CHST8: variants seen among roughly 807,000 people sequenced by gnomAD.
CHST8 encodes GALNAC-4-ST1.
A neutral mutation model predicts 15.0 loss-of-function variants in CHST8; 10 were observed. The ratio of observed to expected loss-of-function variants is 0.67; its 90% CI spans 0.41 to 1.13. The LOEUF (loss-of-function observed/expected upper bound fraction) is 1.13. CHST8 is among the 50% of genes most tolerant of loss of function. The pLI is 0.00. For missense variants in CHST8, 634 were observed against 608.2 expected (o/e 1.04, Z -0.45); for synonymous variants, 259 against 256.6 (o/e 1.01, Z -0.09).
chr19:33,663,589 G>A (rs1329880783), intron 1 of CHST8, among the ~76,000 whole-genome samples: 1 of 152,078 alleles, frequency 6.6e-6, no homozygotes, highest in Non-Finnish European at 1.5e-5. Context: ...AAGCAGGAGG[G>A]GCCAGGTGCA....
intron 3 of CHST8, among the ~76,000 whole-genome samples, chr19:33,727,388 G>A (rs1217881322): frequency 1.3e-5 from 2 of 152,126 alleles, no homozygotes; most frequent in Non-Finnish European, 2.9e-5. Flanking sequence ...CCGTGTCTGT[G>A]TGTGTAGAGT....
rs1034303068 is a variant in CHST8 at position 33,771,898 on chromosome 19, T to C, written c.169-59T>C. On this transcript the variant is annotated intron_variant, in intron 4 of 4. Transcript: ENST00000650847. Reference sequence around the variant, plus strand: ...AGCCGTGGTGAGAGCCTGACCTGTGTGGCCCTCAGTGCCCAGCTGTCCTTT... The same window carrying C: ...AGCCGTGGTGAGAGCCTGACCTGTGCGGCCCTCAGTGCCCAGCTGTCCTTT... The C allele has an allele frequency of 1.4e-5, 21 of 1,510,308 alleles. No individual in the cohort carries two copies. The African/African-American group carries it at 2.9e-4, about 21-fold the overall frequency. 93.6% of individuals were successfully genotyped at this position (1,510,308 alleles called of 1,614,324 possible).
chr19:33,715,543 T>C (rs1465660221), intron 3 of CHST8, among the ~76,000 whole-genome samples: 1 of 152,238 alleles, frequency 6.6e-6, no homozygotes. Context: ...CTGGTTGCCT[T>C]GACAACTCAA....
At chr19:33,635,065 C>T (rs1972175374) in intron 1 of CHST8, among the ~76,000 whole-genome samples, 1 of 152,128 alleles carries the variant, frequency 6.6e-6, no homozygotes, top group Non-Finnish European at 1.5e-5. Flanking sequence ...GTTATTGGGT[C>T]CCTCTGGAGA....
At chr19:33,632,379 T>C (rs1441943243) in intron 1 of CHST8, among the ~76,000 whole-genome samples, 3 of 152,126 alleles carry the variant, frequency 2.0e-5, no homozygotes, top group African/African-American at 7.2e-5. Context: ...AGTCTTGAAC[T>C]CCTGAGCTCA....
chr19:33,640,433 C>T (rs1262110595), intron 1 of CHST8, among the ~76,000 whole-genome samples: 6 of 152,234 alleles, frequency 3.9e-5, no homozygotes, highest in African/African-American at 1.4e-4. Context: ...CTGTTCCAAG[C>T]TTCCAGCCCT....
chr19:33,655,094 T>C (rs1972493666), intron 1 of CHST8, among the ~76,000 whole-genome samples: 1 of 152,108 alleles, frequency 6.6e-6, no homozygotes, highest in African/African-American at 2.4e-5. Flanking sequence ...TAGAATGCAG[T>C]GGTGTGATCT....
At chr19:33,655,334 GC>G (rs1440095293) in intron 1 of CHST8, among the ~76,000 whole-genome samples, 1 of 152,168 alleles carries the variant, frequency 6.6e-6, no homozygotes, top group Non-Finnish European at 1.5e-5. Context: ...ACCGCGCCCA[GC>G]CTTCCATGTC....
chr19:33,750,507 G>C (rs1200373683), intron 3 of CHST8, among the ~76,000 whole-genome samples: 1 of 151,750 alleles, frequency 6.6e-6, no homozygotes, highest in Non-Finnish European at 1.5e-5. Context: ...CCCCGCCCCT[G>C]TATCCCCCAC....
chr19:33,763,401 T>A (rs575856227), intron 3 of CHST8, among the ~76,000 whole-genome samples: 1 of 152,270 alleles, frequency 6.6e-6, no homozygotes, highest in South Asian at 2.1e-4. Context: ...CTCCAGTGTG[T>A]CTGGCCTGAC....
chr19:33,711,451 A>G (rs1479837567), intron 3 of CHST8, among the ~76,000 whole-genome samples: 1 of 152,144 alleles, frequency 6.6e-6, no homozygotes, highest in Non-Finnish European at 1.5e-5. Context: ...GCCTGGTGTA[A>G]TTATTATCAG....
chr19:33,768,541 T>TC (rs1974900467), intron 3 of CHST8, among the ~76,000 whole-genome samples: 1 of 152,284 alleles, frequency 6.6e-6, no homozygotes, highest in Admixed American at 6.5e-5. Flanking sequence ...AATCTCTGCC[T>TC]CCTGGGTTCA....
intron 3 of CHST8, 68 bp from the exon 4 acceptor site, chr19:33,771,345 A>G: frequency 2.0e-6 from 3 of 1,505,192 alleles, no homozygotes; most frequent in Admixed American, 3.3e-5. Context: ...CCAGCAGCCC[A>G]TAAGCAGTTC....
intron 3 of CHST8, among the ~76,000 whole-genome samples, chr19:33,714,957 C>T (rs1375614738): frequency 6.6e-6 from 1 of 152,184 alleles, no homozygotes; most frequent in Non-Finnish European, 1.5e-5. Context: ...TACACCTCTG[C>T]AGCCCACCCT....
At chr19:33,704,993 T>A (rs1264365936) in intron 3 of CHST8, among the ~76,000 whole-genome samples, 1 of 151,988 alleles carries the variant, frequency 6.6e-6, no homozygotes, top group Non-Finnish European at 1.5e-5. Flanking sequence ...TAATTTGGAA[T>A]GTGTTTTTTA....
At chr19:33,632,238 C>A (rs1007043191) in intron 1 of CHST8, among the ~76,000 whole-genome samples, 1 of 151,870 alleles carries the variant, frequency 6.6e-6, no homozygotes, top group Non-Finnish European at 1.5e-5. Flanking sequence ...CCCCCGGGCT[C>A]AAGTAATCCT....
At chr19:33,656,980 C>A (rs1431973361) in intron 1 of CHST8, among the ~76,000 whole-genome samples, 1 of 152,122 alleles carries the variant, frequency 6.6e-6, no homozygotes, top group Non-Finnish European at 1.5e-5. Context: ...GCATATCACA[C>A]ACAGGCCTAT....
At chr19:33,768,743 G>A (rs907093522) in intron 3 of CHST8, among the ~76,000 whole-genome samples, 6 of 152,130 alleles carry the variant, frequency 3.9e-5, no homozygotes, top group East Asian at 3.9e-4. Flanking sequence ...ATGAGCCACC[G>A]TGCCCGGCAG....
chr19:33,676,285 T>G (rs555813785), intron 2 of CHST8, among the ~76,000 whole-genome samples: 22 of 152,258 alleles, frequency 1.4e-4, no homozygotes, highest in African/African-American at 4.8e-4. Flanking sequence ...AAAAATAATT[T>G]TGGGTCCAGT....
Sources: gnomAD v4.1 joint callset for allele counts (sites outside exome capture counted in the v4.1 genomes callset) on GRCh38, gnomAD v4.1.1 for gene constraint, MANE v1.5 for transcripts, NCBI Gene and HGNC (gene_info 2026-07-23, HGNC 2026-07-21) for gene names.